Variants in XKR6 observed in about 807,000 individuals in gnomAD.
The protein encoded by XKR6 is XK-related protein 6.
In XKR6, 22 loss-of-function variants were observed where a neutral mutation model predicts 56.7. That is an observed-to-expected ratio of 0.39 (90% CI 0.28 to 0.55). The LOEUF (loss-of-function observed/expected upper bound fraction) is 0.55. Among genes scored for constraint, XKR6 ranks in the 20% least tolerant of loss-of-function variants. XKR6 has a pLI of 0.66. For missense variants in XKR6, 852 were observed against 889.0 expected (o/e 0.96, Z 0.53); for synonymous variants, 524 against 387.8 (o/e 1.35, Z -4.13).
intron 1 of XKR6, among the ~76,000 whole-genome samples, chr8:11,142,583 TAC>T (rs2116940802): frequency 6.6e-6 from 1 of 152,280 alleles, no homozygotes; most frequent in East Asian, 1.9e-4. Flanking sequence ...TCTGATTGCT[TAC>T]AAGTGTGTGG....
At chr8:10,974,798 G>A (rs1802504653) in intron 1 of XKR6, among the ~76,000 whole-genome samples, 1 of 152,202 alleles carries the variant, frequency 6.6e-6, no homozygotes, top group African/African-American at 2.4e-5. Context: ...AGCTCGAGGT[G>A]GGAACTCCTG....
intron 1 of XKR6, among the ~76,000 whole-genome samples, chr8:11,042,965 G>C (rs1365318358): frequency 8.5e-5 from 13 of 152,050 alleles, no homozygotes; most frequent in Non-Finnish European, 1.6e-4. Flanking sequence ...ACTTGAGATT[G>C]GCCAGCCCCA....
At chr8:11,146,762 A>G (rs2116957487) in intron 1 of XKR6, among the ~76,000 whole-genome samples, 1 of 152,328 alleles carries the variant, frequency 6.6e-6, no homozygotes, top group Admixed American at 6.5e-5. Context: ...AAAGTGTGGT[A>G]AACACACACA....
Position 10,961,050 on chromosome 8 carries a change from G to A in XKR6, c.765-36220C>T, listed in dbSNP as rs193123709. On this transcript the variant is annotated intron_variant, in intron 1 of 2. Coordinates refer to ENST00000416569, the MANE Select transcript of XKR6 (RefSeq NM_173683.4). ...GCAAAGATCGAGGGGCAGAGGGCAC[G>A]GGTGCTGGGGTACAAAAGGTGAGTA... Among the ~76,000 whole-genome samples, 384 of 152,254 alleles carry A rather than the reference G, an allele frequency of 2.5e-3. 2 individuals carry two copies. Among genetic ancestry groups the A allele is most frequent in the African/African-American group, 8.5e-3 (355 of 41,540 alleles).
At chr8:11,094,247 G>A (rs1486690401) in intron 1 of XKR6, among the ~76,000 whole-genome samples, 2 of 152,114 alleles carry the variant, frequency 1.3e-5, no homozygotes, top group Non-Finnish European at 2.9e-5. Flanking sequence ...ACATATATAT[G>A]TATGTATCTC....
At chr8:11,049,871 G>C (rs1039607164) in intron 1 of XKR6, among the ~76,000 whole-genome samples, 2 of 152,196 alleles carry the variant, frequency 1.3e-5, no homozygotes, top group Non-Finnish European at 2.9e-5. Flanking sequence ...ACACAGCCAG[G>C]AGAGAAAGAC....
chr8:10,901,055 CTT>C (rs35359233), intron 2 of XKR6, among the ~76,000 whole-genome samples: 37 of 122,230 alleles, frequency 3.0e-4, no homozygotes, highest in African/African-American at 6.6e-4. Context: ...GTTTCTACTT[CTT>C]TTTTTTTTTT....
At chr8:11,034,297 G>C (rs1325872770) in intron 1 of XKR6, among the ~76,000 whole-genome samples, 1 of 152,182 alleles carries the variant, frequency 6.6e-6, no homozygotes, top group Non-Finnish European at 1.5e-5. Flanking sequence ...CAGCACTTCA[G>C]CTGCAGCTTT....
chr8:10,919,413 C>T (rs1184544432), intron 2 of XKR6, among the ~76,000 whole-genome samples: 4 of 152,180 alleles, frequency 2.6e-5, no homozygotes, highest in African/African-American at 2.4e-5. Flanking sequence ...TGCTGTGTCC[C>T]CAGACAGAAT....
At chr8:11,134,670 T>C (rs1341123892) in intron 1 of XKR6, among the ~76,000 whole-genome samples, 2 of 152,038 alleles carry the variant, frequency 1.3e-5, no homozygotes, top group East Asian at 3.9e-4. Flanking sequence ...GGTACAACCG[T>C]TTATGAAGGC....
At chr8:11,163,783 A>G (rs576587568) in intron 1 of XKR6, among the ~76,000 whole-genome samples, 79 of 152,294 alleles carry the variant, frequency 5.2e-4, no homozygotes, top group African/African-American at 1.9e-3. Context: ...CACATTTTAC[A>G]GTTGAGGAAC....
chr8:11,136,370 G>A (rs1800394624), intron 1 of XKR6, among the ~76,000 whole-genome samples: 1 of 152,216 alleles, frequency 6.6e-6, no homozygotes, highest in Admixed American at 6.5e-5. Context: ...TGGGTGTGGT[G>A]GCGGGTGCCC....
At chr8:11,126,632 T>A (rs1386381564) in intron 1 of XKR6, among the ~76,000 whole-genome samples, 1 of 152,204 alleles carries the variant, frequency 6.6e-6, no homozygotes, top group Non-Finnish European at 1.5e-5. Context: ...TGTAGTCACC[T>A]GCCGAATTTC....
intron 1 of XKR6, among the ~76,000 whole-genome samples, chr8:10,954,955 G>C (rs1215810133): frequency 1.4e-5 from 2 of 139,822 alleles, no homozygotes; most frequent in Admixed American, 7.7e-5. Flanking sequence ...TGCAATCTTT[G>C]CCTCCTGGGT....
intron 1 of XKR6, among the ~76,000 whole-genome samples, chr8:11,150,754 G>A (rs1294944918): frequency 6.6e-6 from 1 of 150,982 alleles, no homozygotes; most frequent in Non-Finnish European, 1.5e-5. Context: ...TCAGGAGGCT[G>A]AGGTAGAAGA....
At position 11,201,218 on chromosome 8, in the gene XKR6, C is replaced by G. The variant is rs1296655664; in HGVS notation, c.122G>C (p.Gly41Ala). 2.0e-6 allele frequency: 3 copies of G among 1,537,142 alleles called. No individual in the cohort carries two copies. The highest frequency in any genetic ancestry group is 2.4e-5 in the South Asian group (2 of 84,318). Residue 41 changes from glycine to alanine, a missense_variant, in exon 1 of 3, where the codon GGC becomes GCC. Around this residue, in one of 4 missense-constraint regions of XKR6, gnomAD observed 417 missense variants for 355.2 expected, o/e 1.17. Transcript: ENST00000416569. ...GCCGGGCTCGCTGCCGTCGCCGCCG[C>G]CGCCGCAGCCGCCTCCCCCGGGCTC... ...DGEPGGGGCGGGGDGSEPGES... is the reference protein window; with the variant it reads ...DGEPGGGGCGAGGDGSEPGES...
intron 1 of XKR6, among the ~76,000 whole-genome samples, chr8:10,990,786 C>A (rs1375864599): frequency 6.6e-6 from 1 of 151,818 alleles, no homozygotes; most frequent in Non-Finnish European, 1.5e-5. Context: ...TTTTGTCCTG[C>A]TTCCCAGGCT....
intron 1 of XKR6, among the ~76,000 whole-genome samples, chr8:10,974,856 C>A (rs147788935): frequency 6.6e-6 from 1 of 152,124 alleles, no homozygotes; most frequent in Admixed American, 6.5e-5. Flanking sequence ...AGATTTCAGC[C>A]GGGGAAGGTG....
At chr8:11,014,288 C>T (rs1283274358) in intron 1 of XKR6, among the ~76,000 whole-genome samples, 1 of 152,178 alleles carries the variant, frequency 6.6e-6, no homozygotes, top group Admixed American at 6.5e-5. Context: ...CGGCCCTTAG[C>T]GCCCCTTCTG....
Sources: gnomAD v4.1 joint callset for allele counts (sites outside exome capture counted in the v4.1 genomes callset) on GRCh38, gnomAD v4.1.1 for gene constraint, gnomAD v4.1.1 regional missense constraint, MANE v1.5 for transcripts, NCBI Gene and HGNC (gene_info 2026-07-23, HGNC 2026-07-21) for gene names.